The following RERE variants were observed in gnomAD, a reference collection of about 807,000 sequenced individuals.
RERE encodes arginine-glutamic acid dipeptide repeats.
RERE carries 40 observed loss-of-function variants against 146.1 expected under a neutral mutation model. The ratio of observed to expected loss-of-function variants is 0.27; its 90% CI spans 0.21 to 0.36. The LOEUF is 0.36. RERE is among the 10% of genes least tolerant of loss of function. RERE has a pLI of 1.00. For missense variants in RERE, 1,933 were observed against 2,138.7 expected, an observed-to-expected ratio of 0.90 and a Z score of 1.90; for synonymous variants, 1,003 against 866.0, an observed-to-expected ratio of 1.16 and a Z score of -2.78.
Position 8,360,255 on chromosome 1 carries a change from C to G in RERE, c.3252G>C (p.Ser1084=). Residue 1084 remains serine, a synonymous_variant, in exon 18 of 23, where the codon TCG becomes TCC. Coordinates refer to ENST00000400908, the MANE Select transcript of RERE (RefSeq NM_001042681.2). ...TCTGGACGGTGGGGAGTGGGCAGGA[C>G]GACCCCCCCGCTATGCTGCCTCCTG... ...AASGGSIAGG[S]SCPLPTVQIK... 2 of 1,575,408 alleles carry G rather than the reference C, an allele frequency of 1.3e-6. No homozygotes were observed. Among genetic ancestry groups the G allele is most frequent in the Non-Finnish European group, 1.7e-6 (2 of 1,161,920 alleles).
At chr1:8,693,784 T>A (rs1456603125) in intron 1 of RERE, among the ~76,000 whole-genome samples, 1 of 152,118 alleles carries the variant, frequency 6.6e-6, no homozygotes. Context: ...TCATCAACAA[T>A]AACAATGTAC....
intron 7 of RERE, among the ~76,000 whole-genome samples, chr1:8,533,802 T>C (rs1645688593): frequency 6.6e-6 from 1 of 152,260 alleles, no homozygotes. Context: ...GTTATTCCAT[T>C]ACTCCAGGTA....
At chr1:8,805,007 GGTTTTT>G (rs1043341332) in intron 1 of RERE, among the ~76,000 whole-genome samples, 2 of 61,352 alleles carry the variant, frequency 3.3e-5, no homozygotes, top group African/African-American at 6.2e-5. Context: ...TTTTGTTTTT[GGTTTTT>G]TTTTTTTTTT....
At chr1:8,642,267 T>C (rs1323779028) in intron 2 of RERE, among the ~76,000 whole-genome samples, 1 of 152,210 alleles carries the variant, frequency 6.6e-6, no homozygotes, top group Non-Finnish European at 1.5e-5. Context: ...TGGAGGTAGG[T>C]ACTCTTATCC....
At chr1:8,471,059 C>A (rs1483349452) in intron 10 of RERE, among the ~76,000 whole-genome samples, 1 of 151,882 alleles carries the variant, frequency 6.6e-6, no homozygotes, top group African/African-American at 2.4e-5. Flanking sequence ...TCATGATCCC[C>A]CCCTGCCTCA....
chr1:8,483,406 A>AG (rs1644860985), intron 10 of RERE, among the ~76,000 whole-genome samples: 1 of 152,252 alleles, frequency 6.6e-6, no homozygotes, highest in Non-Finnish European at 1.5e-5. Context: ...AAGCTAATCC[A>AG]GGTCCAGATA....
At chr1:8,643,029 C>A (rs1647200898) in intron 2 of RERE, among the ~76,000 whole-genome samples, 1 of 152,180 alleles carries the variant, frequency 6.6e-6, no homozygotes. Flanking sequence ...GGAAAAAGAT[C>A]CCTGTCCTGC....
intron 1 of RERE, among the ~76,000 whole-genome samples, chr1:8,661,494 T>C (rs1401113687): frequency 1.3e-5 from 2 of 152,134 alleles, no homozygotes; most frequent in African/African-American, 4.8e-5. Context: ...GAGATCACTC[T>C]GGCCGCTGAT....
chr1:8,703,175 G>T (rs1451208951), intron 1 of RERE: 1 of 151,996 alleles, frequency 6.6e-6, no homozygotes, highest in Non-Finnish European at 1.5e-5. Flanking sequence ...GGGGGCCCGG[G>T]GAGTGAAGTG....
intron 2 of RERE, among the ~76,000 whole-genome samples, chr1:8,640,615 G>A (rs755713180): frequency 1.3e-5 from 2 of 152,106 alleles, no homozygotes; most frequent in Admixed American, 1.3e-4. Flanking sequence ...TAATTAGCTT[G>A]AGTACATTTT....
Position 8,358,922 on chromosome 1 carries a change from G to A in RERE, c.3619-6C>T, listed in dbSNP as rs1020888781. 4.6e-6 allele frequency: 7 copies of A among 1,513,894 alleles called. No homozygotes were observed. Among genetic ancestry groups the A allele is most frequent in the Admixed American group, 4.3e-5 (2 of 46,384 alleles). The allele number at this position is 1,513,894 out of a possible 1,614,324, so 93.8% of individuals were successfully genotyped here. A position where few individuals can be genotyped will look rare whatever the true frequency, so the allele number is the denominator to read the frequency against. The stretch of plus-strand genomic sequence containing the variant: ...TGCGCTGAGCTGGACGCCTTCTGCA[G>A]AAGGAAAAGAAAGCGTGAGGGGTCC... On this transcript the variant is annotated splice_polypyrimidine_tract_variant and splice_region_variant and intron_variant, in intron 19 of 22. Transcript: ENST00000400908.
At chr1:8,438,633 A>G (rs962894044) in intron 11 of RERE, among the ~76,000 whole-genome samples, 2 of 152,162 alleles carry the variant, frequency 1.3e-5, no homozygotes, top group African/African-American at 4.8e-5. Flanking sequence ...CAAAGGCCTG[A>G]TTCTAGCAAG....
chr1:8,501,338 G>C (rs1409175006), intron 8 of RERE, among the ~76,000 whole-genome samples: 1 of 108,624 alleles, frequency 9.2e-6, no homozygotes, highest in Non-Finnish European at 1.8e-5. Flanking sequence ...GAGGTGGGGG[G>C]TCAGCACCCC....
At chr1:8,571,175 T>C (rs1646217041) in intron 4 of RERE, among the ~76,000 whole-genome samples, 1 of 152,236 alleles carries the variant, frequency 6.6e-6, no homozygotes. Context: ...TCAAAAATGA[T>C]ACTGCTTCCT....
chr1:8,679,988 G>T (rs535864606), intron 1 of RERE, among the ~76,000 whole-genome samples: 2 of 152,240 alleles, frequency 1.3e-5, no homozygotes, highest in East Asian at 3.9e-4. Flanking sequence ...AACTACACAC[G>T]TTTTTCCATA....
At chr1:8,607,131 C>T (rs1028153113) in intron 4 of RERE, among the ~76,000 whole-genome samples, 22 of 152,182 alleles carry the variant, frequency 1.4e-4, no homozygotes, top group Admixed American at 1.2e-3. Context: ...GAGACTGAGG[C>T]AGGTGAATTC....
chr1:8,498,200 A>C (rs1399445521), intron 8 of RERE, among the ~76,000 whole-genome samples: 1 of 151,450 alleles, frequency 6.6e-6, no homozygotes, highest in East Asian at 1.9e-4. Context: ...CTCTACCAAA[A>C]ATACAAAAAG....
intron 1 of RERE, among the ~76,000 whole-genome samples, chr1:8,726,937 C>T (rs1003257134): frequency 6.6e-6 from 1 of 151,972 alleles, no homozygotes; most frequent in African/African-American, 2.4e-5. Flanking sequence ...TCCAGAGTAG[C>T]TGGGATCACA....
At chr1:8,430,688 T>C (rs1644084176) in intron 11 of RERE, among the ~76,000 whole-genome samples, 2 of 152,360 alleles carry the variant, frequency 1.3e-5, no homozygotes, top group Non-Finnish European at 1.5e-5. Context: ...TCAGTGTTTC[T>C]TGAGCTCCCC....
Sources: gnomAD v4.1 joint callset for allele counts (sites outside exome capture counted in the v4.1 genomes callset) on GRCh38, gnomAD v4.1.1 for gene constraint, MANE v1.5 for transcripts, NCBI Gene and HGNC (gene_info 2026-07-23, HGNC 2026-07-21) for gene names.